ZBTB7A: variants seen among roughly 807,000 people sequenced by gnomAD.
The protein encoded by ZBTB7A is zinc finger and BTB domain containing 7A, also known as zinc finger and BTB domain-containing protein 7A.
Under a neutral mutation model 26.7 loss-of-function variants are expected in ZBTB7A, and 7 were observed. That is an observed-to-expected ratio of 0.26 (90% CI 0.15 to 0.49). The LOEUF (loss-of-function observed/expected upper bound fraction) is 0.49. ZBTB7A is among the 20% of genes least tolerant of loss of function. The probability of loss-of-function intolerance (pLI) is 0.98; values close to 1 mark genes in which losing one functional copy is unlikely to be tolerated. For synonymous variants in ZBTB7A, 452 were observed against 441.0 expected, an observed-to-expected ratio of 1.02 and a Z score of -0.31; for missense variants, 617 against 919.5, an observed-to-expected ratio of 0.67 and a Z score of 4.25.
rs764671096 is a variant in ZBTB7A at position 4,054,825 on chromosome 19, C to G, written c.408G>C (p.Ala136=). 3 of 1,599,772 alleles carry G rather than the reference C, an allele frequency of 1.9e-6. No individual in the cohort carries two copies. The highest frequency in any genetic ancestry group is 2.7e-5 in the African/African-American group (2 of 74,690). ...LLDRQILAAD[A]GADAGQLDLV... ...GGTCCAGCTGCCCGGCGTCGGCGCC[C>G]GCGTCGGCCGCCAGGATCTGCCGGT... Residue 136 remains alanine, a synonymous_variant, in exon 2 of 3, where the codon GCG becomes GCC. Coordinates refer to ENST00000322357, the MANE Select transcript of ZBTB7A (RefSeq NM_015898.4).
At position 4,058,713 on chromosome 19, in the gene ZBTB7A, C is replaced by T. The variant is rs571805758; in HGVS notation, c.-15-3466G>A. On this transcript the variant is annotated intron_variant, in intron 1 of 2. Coordinates refer to ENST00000322357, the MANE Select transcript of ZBTB7A (RefSeq NM_015898.4). The stretch of plus-strand genomic sequence containing the variant: ...CCCCCAGCCCAGCAGCTCAGGCAGG[C>T]TCTGACGCCGACGGGCTTGAGCCAG... 3.9e-5 allele frequency among the ~76,000 whole-genome samples: 6 copies of T among 152,352 alleles called. No individual in the cohort carries two copies. In the East Asian group the frequency reaches 5.8e-4, roughly 15 times the overall value.
chr19:4,053,954 C>G lies in ZBTB7A; in HGVS notation c.1262+17G>C, dbSNP rs751624966. 1.3e-6 allele frequency: 2 copies of G among 1,577,524 alleles called. No individual in the cohort carries two copies. Among genetic ancestry groups the G allele is most frequent in the South Asian group, 2.3e-5 (2 of 86,870 alleles). On this transcript the variant is annotated intron_variant, in intron 2 of 2. Transcript: ENST00000322357. Reference sequence around the variant, plus strand: ...GCAGAGAGCAGGACGGCGCCTCCCCCGCGGCGGGCAGCTCACCTGGTGAAG... The same window carrying G: ...GCAGAGAGCAGGACGGCGCCTCCCCGGCGGCGGGCAGCTCACCTGGTGAAG...
intron 1 of ZBTB7A, among the ~76,000 whole-genome samples, chr19:4,063,887 C>T (rs1169272724): frequency 6.6e-6 from 1 of 152,220 alleles, no homozygotes; most frequent in African/African-American, 2.4e-5. Context: ...TCCGGAGTTT[C>T]CAGGCTCACA....
In ZBTB7A at chr19:4,054,574, T is replaced by TAGA; in HGVS notation, c.656_658dup (p.Phe219dup). 1 of 1,531,008 alleles carries TAGA rather than the reference T, an allele frequency of 6.5e-7. No individual in the cohort carries two copies. The highest frequency in any genetic ancestry group is 8.7e-7 in the Non-Finnish European group (1 of 1,150,058). The allele number at this position is 1,531,008 out of a possible 1,614,324, so 94.8% of individuals were successfully genotyped here. On this transcript the variant is annotated inframe_insertion, in exon 2 of 3. Coordinates refer to ENST00000322357, the MANE Select transcript of ZBTB7A (RefSeq NM_015898.4). ...CCGCTCGGCCGGGGGGCCCGGCCCA[T>TAGA]AGAAGTCTAAGCCGTTGCAGTCGCC...
At chr19:4,060,525 C>A (rs2145004450) in intron 1 of ZBTB7A, among the ~76,000 whole-genome samples, 1 of 152,342 alleles carries the variant, frequency 6.6e-6, no homozygotes, top group Admixed American at 6.5e-5. Flanking sequence ...CACAGCAGCC[C>A]TCTGATCTGG....
Position 4,049,192 on chromosome 19 carries a change from ATATATATATATATATATGT to A in ZBTB7A, c.1263-967_1263-949del, listed in dbSNP as rs1401853946. On this transcript the variant is annotated intron_variant, in intron 2 of 2. Coordinates refer to ENST00000322357, the MANE Select transcript of ZBTB7A (RefSeq NM_015898.4). Reference sequence around the variant, plus strand: ...TGTATATATATATATATATATATATATATATATATATATATATGTAAGTTTGAGAGATGGGGGTTGAGCT... The same window carrying A: ...TGTATATATATATATATATATATATAAAGTTTGAGAGATGGGGGTTGAGCT... 1.5e-3 allele frequency among the ~76,000 whole-genome samples: 51 copies of A among 33,182 alleles called. 7 individuals carry two copies. The East Asian group carries it at 0.019, about 12-fold the overall frequency. The allele number at this position is 33,182 out of a possible 152,430, so 21.8% of individuals were successfully genotyped here.
chr19:4,049,164 GTGTGTATATA>G (rs1241854924), intron 2 of ZBTB7A, among the ~76,000 whole-genome samples: 41 of 21,178 alleles, frequency 1.9e-3, no homozygotes, highest in Non-Finnish European at 3.2e-3. Context: ...GTGTGTGTGT[GTGTGTATATA>G]TATATATATA....
chr19:4,060,175 G>A (rs1719733619), intron 1 of ZBTB7A, among the ~76,000 whole-genome samples: 1 of 152,042 alleles, frequency 6.6e-6, no homozygotes, highest in African/African-American at 2.4e-5. Flanking sequence ...TGGAGGTGGG[G>A]CGCCCTCCTC....
intron 1 of ZBTB7A, chr19:4,062,630 C>G (rs899861754): frequency 6.6e-6 from 1 of 152,222 alleles, no homozygotes; most frequent in African/African-American, 2.4e-5. Flanking sequence ...CCCCGGATAC[C>G]AGCAGGAGAT....
chr19:4,053,310 C>G (rs1416168143), intron 2 of ZBTB7A, among the ~76,000 whole-genome samples: 1 of 152,198 alleles, frequency 6.6e-6, no homozygotes, highest in African/African-American at 2.4e-5. Context: ...TTAACAGCCA[C>G]GTGGGTCAGG....
chr19:4,052,325 G>C lies in ZBTB7A; in HGVS notation c.1262+1646C>G, dbSNP rs539670279. 2.6e-5 allele frequency among the ~76,000 whole-genome samples: 4 copies of C among 152,222 alleles called. No homozygotes were observed. The highest frequency in any genetic ancestry group is 2.6e-4 in the Admixed American group (4 of 15,294). ...CTGAGCTCAGAGACGAACCCACAGT[G>C]ACCCCTGCCTGGAGGAAGAGGAGCC... is the stretch of plus-strand genomic sequence containing the variant. On this transcript the variant is annotated intron_variant, in intron 2 of 2. Transcript: ENST00000322357. The surrounding 1 kb of genome is among the most constrained non-coding windows in gnomAD (Gnocchi z 4.9).
At position 4,066,365 on chromosome 19, in the gene ZBTB7A, C is replaced by T. The variant is rs2040696126; in HGVS notation, c.-16+317G>A. 2.0e-5 allele frequency among the ~76,000 whole-genome samples: 3 copies of T among 150,414 alleles called. No homozygotes were observed. In the South Asian group the frequency reaches 6.3e-4, roughly 32 times the overall value. ...CGGCTCCCCCCACCCTCAATGCAGC[C>T]CTGCTTCCCCTCCCCCGCTCCCCGC... On this transcript the variant is annotated intron_variant, in intron 1 of 2. Transcript: ENST00000322357.
At chr19:4,055,676 A>G (rs979149748) in intron 1 of ZBTB7A, among the ~76,000 whole-genome samples, 1 of 152,174 alleles carries the variant, frequency 6.6e-6, no homozygotes, top group African/African-American at 2.4e-5. Flanking sequence ...ACAAAAAATT[A>G]GCCGGGCGTG....
In ZBTB7A at chr19:4,044,313, C is replaced by A. The variant is rs201411381; in HGVS notation, c.*3439G>T. On this transcript the variant is annotated 3_prime_UTR_variant, in exon 3 of 3. Coordinates refer to ENST00000322357, the MANE Select transcript of ZBTB7A (RefSeq NM_015898.4). Reference sequence around the variant, plus strand: ...CTGCAGGTCCACACCCATGCCAGGCCGGGCCTGCTCCGGCATTTTACATTC... The same window carrying A: ...CTGCAGGTCCACACCCATGCCAGGCAGGGCCTGCTCCGGCATTTTACATTC... 6.6e-6 allele frequency: 1 copy of A among 151,710 alleles called. No homozygotes were observed. Among genetic ancestry groups the A allele is most frequent in the Non-Finnish European group, 1.5e-5 (1 of 67,938 alleles). 9.4% of individuals were successfully genotyped at this position (151,710 alleles called of 1,614,324 possible).
intron 2 of ZBTB7A, among the ~76,000 whole-genome samples, chr19:4,049,168 G>GTGTGTGTA (rs1403864466): frequency 6.7e-5 from 1 of 14,960 alleles, no homozygotes; most frequent in Non-Finnish European, 1.2e-4. Context: ...GTGTGTGTGT[G>GTGTGTGTA]TATATATATA....
At chr19:4,058,826 G>A (rs2040610518) in intron 1 of ZBTB7A, among the ~76,000 whole-genome samples, 1 of 152,170 alleles carries the variant, frequency 6.6e-6, no homozygotes, top group Non-Finnish European at 1.5e-5. Context: ...GCGACACAGA[G>A]GCCTTTGTGA....
rs1735641758 is a variant in ZBTB7A, at chr19:4,048,850, C to CA, written c.1263-607dup. On this transcript the variant is annotated intron_variant, in intron 2 of 2. Transcript: ENST00000322357. The surrounding 1 kb of genome is among the most constrained non-coding windows in gnomAD (Gnocchi z 6.7). ...ACTTTTTAAGAGCGAAACTCCGTCT[C>CA]AAAAAACAAATCTGCCAGGCGTGGT... 6.6e-6 allele frequency among the ~76,000 whole-genome samples: 1 copy of CA among 151,054 alleles called. No individual in the cohort carries two copies. The highest frequency in any genetic ancestry group is 2.4e-5 in the African/African-American group (1 of 41,092).
intron 1 of ZBTB7A, among the ~76,000 whole-genome samples, chr19:4,056,667 A>G (rs1475456911): frequency 6.6e-6 from 1 of 152,136 alleles, no homozygotes; most frequent in African/African-American, 2.4e-5. Context: ...CAGGAGATCG[A>G]GACCATCCTG....
intron 2 of ZBTB7A, among the ~76,000 whole-genome samples, chr19:4,053,512 TGTGC>T (rs71166953): frequency 0.68 from 90,900 of 134,170 alleles, 31,135 homozygotes; most frequent in East Asian, 0.94. Flanking sequence ...GGTGTGCGTG[TGTGC>T]GTGCGTGCGT....
Sources: allele counts gnomAD v4.1 joint callset (sites outside exome capture counted in the v4.1 genomes callset), GRCh38; gene constraint gnomAD v4.1.1; non-coding constraint Gnocchi (gnomAD v3.1); transcripts MANE v1.5; gene names NCBI Gene and HGNC (gene_info 2026-07-23, HGNC 2026-07-21).